SH3RF2: variants seen among roughly 807,000 people sequenced by gnomAD.
SH3RF2 encodes E3 ubiquitin-protein ligase SH3RF2.
Under a neutral mutation model 59.0 loss-of-function variants are expected in SH3RF2, and 43 were observed. That is an observed-to-expected ratio of 0.73 (90% CI 0.57 to 0.94). The LOEUF is 0.94. SH3RF2 is among the 40% of genes least tolerant of loss of function. The probability of loss-of-function intolerance (pLI) is 0.00; values close to 1 mark genes in which losing one functional copy is unlikely to be tolerated. For synonymous variants in SH3RF2, 391 were observed against 391.5 expected (o/e 1.00, Z 0.01); for missense variants, 930 against 940.1 (o/e 0.99, Z 0.14).
At chr5:146,033,651 T>C (rs1177174468) in intron 5 of SH3RF2, among the ~76,000 whole-genome samples, 2 of 151,516 alleles carry the variant, frequency 1.3e-5, no homozygotes, top group Non-Finnish European at 2.9e-5. Flanking sequence ...TGTATTATTA[T>C]TAGAGACGGG....
intron 2 of SH3RF2, among the ~76,000 whole-genome samples, chr5:145,994,321 A>C (rs1760066103): frequency 6.6e-6 from 1 of 151,666 alleles, no homozygotes; most frequent in African/African-American, 2.4e-5. Context: ...AATTTTTCCA[A>C]CCTCTGCCTG....
intron 2 of SH3RF2, among the ~76,000 whole-genome samples, chr5:145,968,687 A>G (rs1758956166): frequency 6.6e-6 from 1 of 152,350 alleles, no homozygotes; most frequent in Non-Finnish European, 1.5e-5. Context: ...TACAAAAACT[A>G]TTGAGATATT....
At chr5:145,939,286 G>A (rs1421227782) in intron 2 of SH3RF2, among the ~76,000 whole-genome samples, 1 of 152,228 alleles carries the variant, frequency 6.6e-6, no homozygotes, top group Non-Finnish European at 1.5e-5. Flanking sequence ...ATTCCTTGAA[G>A]TCTTACCTAG....
At chr5:145,996,664 A>C (rs1425724719) in intron 2 of SH3RF2, among the ~76,000 whole-genome samples, 2 of 152,200 alleles carry the variant, frequency 1.3e-5, no homozygotes, top group Non-Finnish European at 2.9e-5. Context: ...AAAAGGAAAG[A>C]AGTAGAGCCA....
In SH3RF2 at chr5:146,000,287, A is replaced by C. The variant is rs1307004122; in HGVS notation, c.608A>C (p.Lys203Thr). ...RALYNFDLRG[K>T]DKSENQDCLT... ...CTCTACAACTTCGACCTACGAGGCAAGGACAAGAGTGAGAACCAGGATTGC... is the reference window on the plus strand; with the variant it reads ...CTCTACAACTTCGACCTACGAGGCACGGACAAGAGTGAGAACCAGGATTGC... The change falls in exon 3 of 10, where the codon AAG becomes ACG. Residue 203 changes from lysine to threonine, a missense_variant. Transcript: ENST00000359120. The C allele has an allele frequency of 6.2e-7, 1 of 1,613,668 alleles. No individual in the cohort carries two copies. Among genetic ancestry groups the C allele is most frequent in the African/African-American group, 1.3e-5 (1 of 75,038 alleles).
In SH3RF2 at chr5:146,005,658, C is replaced by A. The variant is rs1046853097; in HGVS notation, c.744+1505C>A. Among the ~76,000 whole-genome samples the A allele has an allele frequency of 4.6e-5, 7 of 152,232 alleles. 1 individual carries two copies. The South Asian group carries it at 1.5e-3, about 32-fold the overall frequency. On this transcript the variant is annotated intron_variant, in intron 4 of 9. Coordinates refer to ENST00000359120, the MANE Select transcript of SH3RF2 (RefSeq NM_152550.4). ...CCTAATGCCTTTTCTCTTGCTGGGA[C>A]CCCTTTCAGATACACCACCCAATTC...
At chr5:146,059,662 G>A (rs1280473608) in intron 8 of SH3RF2, among the ~76,000 whole-genome samples, 1 of 152,074 alleles carries the variant, frequency 6.6e-6, no homozygotes, top group Non-Finnish European at 1.5e-5. Flanking sequence ...CATTCAGCCA[G>A]AGAGATATTT....
At chr5:145,946,666 G>A (rs553013255) in intron 2 of SH3RF2, among the ~76,000 whole-genome samples, 1 of 152,206 alleles carries the variant, frequency 6.6e-6, no homozygotes, top group Admixed American at 6.5e-5. Context: ...CTCATGAGTC[G>A]CTAACCCTAA....
intron 5 of SH3RF2, among the ~76,000 whole-genome samples, chr5:146,033,749 C>T (rs941204021): frequency 3.9e-5 from 6 of 152,040 alleles, no homozygotes; most frequent in East Asian, 1.9e-4. Context: ...AGATTACAGG[C>T]GTGAGCCACT....
chr5:146,066,319 G>C (rs1158363384), downstream of SH3RF2, among the ~76,000 whole-genome samples: 1 of 152,182 alleles, frequency 6.6e-6, no homozygotes, highest in Non-Finnish European at 1.5e-5. Flanking sequence ...ACCACTTTCT[G>C]GCCATGGGAT....
intron 2 of SH3RF2, among the ~76,000 whole-genome samples, chr5:145,946,321 A>G (rs113521646): frequency 2.0e-5 from 3 of 152,212 alleles, no homozygotes; most frequent in Middle Eastern, 3.4e-3. Flanking sequence ...AAAACAGGCA[A>G]CTCATCTTAT....
At chr5:145,941,827 G>A (rs1421671531) in intron 2 of SH3RF2, among the ~76,000 whole-genome samples, 1 of 152,188 alleles carries the variant, frequency 6.6e-6, no homozygotes, top group Admixed American at 6.5e-5. Context: ...TGAGAAATAA[G>A]TGAGATGATT....
At chr5:146,065,749 G>T (rs945724491), downstream of SH3RF2, among the ~76,000 whole-genome samples, 1 of 152,196 alleles carries the variant, frequency 6.6e-6, no homozygotes, top group Admixed American at 6.5e-5. Context: ...AGGGACAAAG[G>T]ATGTTTTTTC....
downstream of SH3RF2, among the ~76,000 whole-genome samples, chr5:146,064,866 GAAAGAA>G (rs1321804724): frequency 1.2e-5 from 1 of 83,988 alleles, no homozygotes; most frequent in Admixed American, 1.2e-4. Flanking sequence ...GAAAGAAAGA[GAAAGAA>G]AAAGAAAAAG....
intron 5 of SH3RF2, among the ~76,000 whole-genome samples, chr5:146,037,480 G>T (rs932688725): frequency 1.5e-4 from 23 of 152,078 alleles, no homozygotes; most frequent in Non-Finnish European, 3.2e-4. Context: ...ATGTATGGGG[G>T]GTCCGCATTG....
In SH3RF2 at chr5:146,011,404, A is replaced by G. The variant is rs113253748; in HGVS notation, c.745-2343A>G. On this transcript the variant is annotated intron_variant, in intron 4 of 9. Transcript: ENST00000359120. ...ATATGAACTTTACAGTAGTTTTTAA[A>G]AATTCTGTGAAGAAAGTCATTGGTA... Among the ~76,000 whole-genome samples the G allele has an allele frequency of 9.9e-5, 15 of 152,194 alleles. 3 individuals are homozygous for G. Among genetic ancestry groups the G allele is most frequent in the African/African-American group, 3.6e-4 (15 of 41,548 alleles).
chr5:146,010,760 T>C (rs893479216), intron 4 of SH3RF2, among the ~76,000 whole-genome samples: 10 of 152,206 alleles, frequency 6.6e-5, no homozygotes, highest in Non-Finnish European at 1.5e-4. Context: ...TTTGAGTTCA[T>C]TGTAGATTCT....
Position 145,938,176 on chromosome 5 carries a change from G to C in SH3RF2, c.248G>C (p.Gly83Ala). The C allele has an allele frequency of 1.2e-6, 2 of 1,614,074 alleles. No individual in the cohort carries two copies. The highest frequency in any genetic ancestry group is 1.7e-5 in the Admixed American group (1 of 60,026). The stretch of plus-strand genomic sequence containing the variant: ...GGAGTGCGCTCAGGGCAGAGCTCCG[G>C]GAGAGGGGGCTCCTTCCGCAGGCCT... ...LDGVRSGQSS[G>A]RGGSFRRPGT... Residue 83 changes from glycine (G) to alanine (A), a missense_variant, in exon 2 of 10, where the codon GGG becomes GCG. Gly to Ala is a moderately conservative substitution (Grantham distance 60). Transcript: ENST00000359120.
chr5:145,949,047 T>C (rs1463958111), intron 2 of SH3RF2, among the ~76,000 whole-genome samples: 1 of 152,214 alleles, frequency 6.6e-6, no homozygotes, highest in Non-Finnish European at 1.5e-5. Flanking sequence ...TATCTTCCCT[T>C]GAGGCTAAAC....
Sources: allele counts gnomAD v4.1 joint callset (sites outside exome capture counted in the v4.1 genomes callset), GRCh38; gene constraint gnomAD v4.1.1; transcripts MANE v1.5; gene names NCBI Gene and HGNC (gene_info 2026-07-23, HGNC 2026-07-21).